The following RIPOR2 variants were observed in gnomAD, a reference collection of about 807,000 sequenced individuals.
The protein encoded by RIPOR2 is rho family-interacting cell polarization regulator 2.
RIPOR2 carries 39 observed loss-of-function variants against 114.5 expected under a neutral mutation model. That is an observed-to-expected ratio of 0.34 (90% CI 0.26 to 0.44). RIPOR2 has a LOEUF of 0.44. RIPOR2 is among the 20% of genes least tolerant of loss of function. The pLI is 1.00. For missense variants in RIPOR2, 1,007 were observed against 1,255.1 expected, an observed-to-expected ratio of 0.80 and a Z score of 2.99; for synonymous variants, 445 against 484.4, an observed-to-expected ratio of 0.92 and a Z score of 1.07.
At chr6:24,879,119 C>T (rs1766096077) in intron 1 of RIPOR2, among the ~76,000 whole-genome samples, 1 of 94,456 alleles carries the variant, frequency 1.1e-5, no homozygotes, top group Non-Finnish European at 2.1e-5. Flanking sequence ...GCAGGTGGAT[C>T]ACCTGAGATC....
chr6:25,035,464 T>C (rs1777196868), intron 1 of RIPOR2, among the ~76,000 whole-genome samples: 1 of 152,140 alleles, frequency 6.6e-6, no homozygotes, highest in Admixed American at 6.5e-5. Flanking sequence ...TGTCAGTCAG[T>C]AGCAATTCTG....
In RIPOR2 at chr6:24,811,086, T is replaced by C. The variant is rs144006704; in HGVS notation, c.2953-1279A>G. Among the ~76,000 whole-genome samples the C allele has an allele frequency of 4.8e-3, 738 of 152,272 alleles. 2 individuals carry two copies. The highest frequency in any genetic ancestry group is 8.1e-3 in the Non-Finnish European group (552 of 68,036). On this transcript the variant is annotated intron_variant, in intron 20 of 21. Coordinates refer to ENST00000643898, the MANE Select transcript of RIPOR2 (RefSeq NM_001286445.3). ...TCCCAAAGTGCTGGGATTACAGGCA[T>C]GAGCCACCATGCCTGGCCCTAGAGC...
rs973864082 is a variant in RIPOR2, at chr6:24,858,220, C to G, written c.715+2753G>C. On this transcript the variant is annotated intron_variant, in intron 8 of 21. Transcript: ENST00000643898. This position sits in a 1 kb window ranked among gnomAD's most constrained non-coding sequence, Gnocchi z 4.0. ...TTTCTCTGGTAGACCATGTGGAACT[C>G]AAGGCCAGGGAGCAGTCATCAGAAT... 6.6e-6 allele frequency among the ~76,000 whole-genome samples: 1 copy of G among 152,178 alleles called. No homozygotes were observed. The highest frequency in any genetic ancestry group is 1.5e-5 in the Non-Finnish European group (1 of 68,026).
rs568951262 is a variant in RIPOR2 at position 24,976,689 on chromosome 6, A to G, written c.76+65162T>C. 4 of 1,608,078 alleles carry G rather than the reference A, an allele frequency of 2.5e-6. No homozygotes were observed. In the African/African-American group the frequency reaches 5.3e-5, roughly 21 times the overall value. ...TTATGTGTCAGGGTGGTGACTTCAC[A>G]CGCCATAATGGCACTGGTGGCAAGT... On this transcript the variant is annotated intron_variant, in intron 1 of 13. Coordinates refer to the RIPOR2 transcript ENST00000510784.
intron 1 of RIPOR2, among the ~76,000 whole-genome samples, chr6:24,944,566 A>G (rs1198355994): frequency 6.6e-6 from 1 of 152,234 alleles, no homozygotes; most frequent in African/African-American, 2.4e-5. Context: ...TGAAACATGC[A>G]AAGAAGCAAG....
chr6:25,041,436 C>A (rs866210657), intron 1 of RIPOR2, among the ~76,000 whole-genome samples: 1 of 152,220 alleles, frequency 6.6e-6, no homozygotes, highest in South Asian at 2.1e-4. Flanking sequence ...TGAATTTCAC[C>A]TCATCTAGCG....
chr6:24,826,493 GA>G (rs1344514831), intron 18 of RIPOR2, among the ~76,000 whole-genome samples: 2 of 124,722 alleles, frequency 1.6e-5, no homozygotes, highest in Non-Finnish European at 3.4e-5. Flanking sequence ...GATTTATTTA[GA>G]TTTTTTTTTT....
upstream of RIPOR2, among the ~76,000 whole-genome samples, chr6:24,936,282 T>G (rs1418981679): frequency 2.0e-5 from 3 of 152,216 alleles, no homozygotes; most frequent in Non-Finnish European, 2.9e-5. Flanking sequence ...ACAATGGGTT[T>G]TGTTGAAAGA....
intron 1 of RIPOR2, among the ~76,000 whole-genome samples, chr6:25,009,655 C>T (rs1003146728): frequency 3.3e-5 from 5 of 152,120 alleles, no homozygotes; most frequent in South Asian, 2.1e-4. Flanking sequence ...TGGCCTTTCC[C>T]GCAGAAACCG....
At position 24,858,253 on chromosome 6, in the gene RIPOR2, A is replaced by G. The variant is rs1017116912; in HGVS notation, c.715+2720T>C. On this transcript the variant is annotated intron_variant, in intron 8 of 21. Coordinates refer to ENST00000643898, the MANE Select transcript of RIPOR2 (RefSeq NM_001286445.3). This position sits in a 1 kb window ranked among gnomAD's most constrained non-coding sequence, Gnocchi z 4.0. ...GGGAGCAGTCATCAGAATGCAGTCA[A>G]GTGCCTGGCCAATAGCAGGCACTCA... Among the ~76,000 whole-genome samples the G allele has an allele frequency of 6.6e-6, 1 of 152,202 alleles. No individual in the cohort carries two copies. Among genetic ancestry groups the G allele is most frequent in the African/African-American group, 2.4e-5 (1 of 41,452 alleles).
chr6:24,844,930 G>A (rs1341107165), intron 12 of RIPOR2, among the ~76,000 whole-genome samples: 1 of 151,956 alleles, frequency 6.6e-6, no homozygotes, highest in Admixed American at 6.6e-5. Context: ...TACAGCAAAT[G>A]CAGTGAAGAG....
chr6:24,934,177 C>G (rs1404363428), intron 1 of RIPOR2, among the ~76,000 whole-genome samples: 4 of 152,170 alleles, frequency 2.6e-5, no homozygotes, highest in African/African-American at 9.7e-5. Context: ...CTAAGCTTAT[C>G]TTCATAGTTG....
chr6:24,862,713 AT>A (rs1353398337), intron 7 of RIPOR2, among the ~76,000 whole-genome samples: 2 of 152,154 alleles, frequency 1.3e-5, no homozygotes, highest in African/African-American at 4.8e-5. Flanking sequence ...GCATGTCAGG[AT>A]TGCTACCAGT....
At chr6:24,821,430 C>T (rs556473008) in intron 19 of RIPOR2, among the ~76,000 whole-genome samples, 23 of 152,156 alleles carry the variant, frequency 1.5e-4, no homozygotes, top group African/African-American at 4.8e-4. Context: ...GTGATGCGCC[C>T]GCCTCGGCCT....
intron 1 of RIPOR2, among the ~76,000 whole-genome samples, chr6:24,985,691 C>T (rs986708096): frequency 9.2e-5 from 14 of 152,194 alleles, no homozygotes; most frequent in African/African-American, 3.4e-4. Context: ...CCCCTAGACC[C>T]CTGGTTGATG....
intron 1 of RIPOR2, among the ~76,000 whole-genome samples, chr6:24,990,167 G>T (rs1358646839): frequency 6.6e-6 from 1 of 152,150 alleles, no homozygotes; most frequent in Non-Finnish European, 1.5e-5. Flanking sequence ...TGAAAGAGTT[G>T]GCTTATCCAA....
chr6:24,977,370 T>TC (rs942043726), intron 1 of RIPOR2, among the ~76,000 whole-genome samples: 1 of 151,356 alleles, frequency 6.6e-6, no homozygotes, highest in African/African-American at 2.4e-5. Flanking sequence ...GGACTATGTG[T>TC]CCCCCCTTCC....
At chr6:24,987,648 G>A (rs1406009715) in intron 1 of RIPOR2, among the ~76,000 whole-genome samples, 11 of 152,178 alleles carry the variant, frequency 7.2e-5, no homozygotes, top group Non-Finnish European at 4.4e-5. Context: ...ACGTAAAACC[G>A]GGGCTGTGCA....
intron 1 of RIPOR2, among the ~76,000 whole-genome samples, chr6:25,040,099 A>G (rs998385432): frequency 6.0e-5 from 9 of 151,088 alleles, no homozygotes; most frequent in African/African-American, 2.2e-4. Flanking sequence ...GGCATAAAGA[A>G]CACTGTGTGA....
Sources: allele counts gnomAD v4.1 joint callset (sites outside exome capture counted in the v4.1 genomes callset), GRCh38; gene constraint gnomAD v4.1.1; non-coding constraint Gnocchi (gnomAD v3.1); transcripts MANE v1.5; gene names NCBI Gene and HGNC (gene_info 2026-07-23, HGNC 2026-07-21).